The following TTC7B variants were observed in gnomAD, a reference collection of about 807,000 sequenced individuals.
TTC7B encodes the protein tetratricopeptide repeat protein 7B.
Under a neutral mutation model 106.8 loss-of-function variants are expected in TTC7B, and 28 were observed. That is an observed-to-expected ratio of 0.26 (90% CI 0.19 to 0.36). The LOEUF is 0.36. Ranked by LOEUF, TTC7B falls within the 10% of genes least tolerant of loss-of-function variation. The probability of loss-of-function intolerance (pLI) is 1.00; values close to 1 mark genes in which losing one functional copy is unlikely to be tolerated. For missense variants in TTC7B, 862 were observed against 1,076.4 expected (o/e 0.80, Z 2.79); for synonymous variants, 405 against 430.6 (o/e 0.94, Z 0.74).
chr14:90,541,681 C>T (rs116955172), intron 19 of TTC7B, 92 bp from the exon 20 acceptor site: 12,677 of 1,038,646 alleles, frequency 0.012, 99 homozygotes, highest in Non-Finnish European at 0.015. Context: ...GTCAGTTCCT[C>T]GGAGCCGGGA....
chr14:90,703,687 A>G (rs1365388342), intron 5 of TTC7B, among the ~76,000 whole-genome samples: 1 of 152,254 alleles, frequency 6.6e-6, no homozygotes, highest in Non-Finnish European at 1.5e-5. Flanking sequence ...GTGGGACGAC[A>G]GGCGTCGCAA....
At chr14:90,713,703 T>C (rs1025064887) in intron 5 of TTC7B, among the ~76,000 whole-genome samples, 2 of 152,152 alleles carry the variant, frequency 1.3e-5, no homozygotes, top group African/African-American at 4.8e-5. Flanking sequence ...CCAAGGGAAG[T>C]GAAAACACAT....
At chr14:90,601,621 CT>C (rs936952925) in intron 17 of TTC7B, among the ~76,000 whole-genome samples, 23 of 152,126 alleles carry the variant, frequency 1.5e-4, no homozygotes, top group African/African-American at 5.3e-4. Context: ...ACAGATTTTT[CT>C]CCAAAAAAAC....
At chr14:90,718,884 G>T (rs1161199887) in intron 5 of TTC7B, among the ~76,000 whole-genome samples, 1 of 151,430 alleles carries the variant, frequency 6.6e-6, no homozygotes, top group Non-Finnish European at 1.5e-5. Context: ...TCTACTGATG[G>T]GAGACAACTG....
rs1197770263 is a variant in TTC7B, at chr14:90,524,625, C to T, written c.*16743G>A. On this transcript the variant is annotated 3_prime_UTR_variant, in exon 20 of 20. Coordinates refer to ENST00000328459, the MANE Select transcript of TTC7B (RefSeq NM_001010854.2). ...AAAGGGACCTCCCCACTCTTCTCCC[C>T]ACAGCCACCGCCTGCCCAAAACAGG... 6.6e-6 allele frequency: 1 copy of T among 152,288 alleles called. No homozygotes were observed. 9.4% of individuals were successfully genotyped at this position (152,288 alleles called of 1,614,324 possible). A position where few individuals can be genotyped will look rare whatever the true frequency, so the allele number is the denominator to read the frequency against.
At chr14:90,653,358 G>C (rs565062789) in intron 12 of TTC7B, among the ~76,000 whole-genome samples, 24 of 152,270 alleles carry the variant, frequency 1.6e-4, no homozygotes, top group African/African-American at 5.8e-4. Flanking sequence ...TGCAGTCCTG[G>C]GCCACCGACA....
At chr14:90,650,023 A>G (rs977575642) in intron 13 of TTC7B, among the ~76,000 whole-genome samples, 12 of 152,102 alleles carry the variant, frequency 7.9e-5, no homozygotes, top group African/African-American at 2.9e-4. Flanking sequence ...GGCTTCCCAG[A>G]TCACCTGGCT....
intron 19 of TTC7B, among the ~76,000 whole-genome samples, chr14:90,573,445 C>CTCTCT (rs1566777202): frequency 9.0e-6 from 1 of 111,110 alleles, no homozygotes; most frequent in Non-Finnish European, 2.0e-5. Context: ...CGGTCCCTCT[C>CTCTCT]AGCTCACGGT....
intron 7 of TTC7B, among the ~76,000 whole-genome samples, chr14:90,686,556 T>C (rs916888444): frequency 6.6e-6 from 1 of 152,208 alleles, no homozygotes; most frequent in Non-Finnish European, 1.5e-5. Flanking sequence ...TATTAATAGA[T>C]GACACAATCT....
chr14:90,581,303 G>A (rs1449682490), intron 18 of TTC7B, among the ~76,000 whole-genome samples: 4 of 152,134 alleles, frequency 2.6e-5, no homozygotes, highest in Non-Finnish European at 1.5e-5. Context: ...GGTAACTCCT[G>A]AACTTCTATA....
intron 17 of TTC7B, among the ~76,000 whole-genome samples, chr14:90,596,001 G>T (rs958473859): frequency 9.2e-5 from 14 of 152,130 alleles, no homozygotes; most frequent in Non-Finnish European, 4.4e-5. Context: ...TAGAACAGGG[G>T]TTCTTAGACT....
chr14:90,695,173 T>TATGTATATTTTATATACATTTATAAAAC (rs1566840844), intron 6 of TTC7B, among the ~76,000 whole-genome samples: 36 of 103,480 alleles, frequency 3.5e-4, no homozygotes, highest in South Asian at 1.7e-3. Context: ...ACATATAAAA[T>TATGTATATTTTATATACATTTATAAAAC]ATGTATATTT....
At chr14:90,792,351 T>A (rs111463144) in intron 1 of TTC7B, among the ~76,000 whole-genome samples, 2 of 151,808 alleles carry the variant, frequency 1.3e-5, no homozygotes, top group Non-Finnish European at 2.9e-5. Context: ...CCGAGGCAGG[T>A]GGATCGCTTG....
In TTC7B at chr14:90,550,550, A is replaced by G. The variant is rs191234482; in HGVS notation, c.2311-8961T>C. 3.8e-3 allele frequency among the ~76,000 whole-genome samples: 579 copies of G among 152,328 alleles called. 4 individuals carry two copies. Among genetic ancestry groups the G allele is most frequent in the African/African-American group, 0.013 (550 of 41,568 alleles). ...CTGCCTGAGGCTACATTTCCCAGCC[A>G]GTCAAGATGGCCACCCTGAAGGCTG... is the stretch of plus-strand genomic sequence containing the variant. On this transcript the variant is annotated intron_variant, in intron 19 of 19. Transcript: ENST00000328459.
At chr14:90,613,655 C>T (rs1363330377) in intron 16 of TTC7B, among the ~76,000 whole-genome samples, 1 of 152,202 alleles carries the variant, frequency 6.6e-6, no homozygotes, top group Non-Finnish European at 1.5e-5. Flanking sequence ...TGCTCAGGCA[C>T]TTCTGTGAAC....
intron 3 of TTC7B, among the ~76,000 whole-genome samples, chr14:90,751,610 T>C (rs887196008): frequency 6.6e-6 from 1 of 152,050 alleles, no homozygotes; most frequent in East Asian, 1.9e-4. Context: ...TTTTATTTTT[T>C]GTAGAGACAG....
chr14:90,713,138 C>T (rs952738938), intron 5 of TTC7B, among the ~76,000 whole-genome samples: 2 of 151,740 alleles, frequency 1.3e-5, no homozygotes, highest in African/African-American at 4.8e-5. Flanking sequence ...TTTTTTGAGA[C>T]GGAGACTCAT....
intron 5 of TTC7B, among the ~76,000 whole-genome samples, chr14:90,720,676 A>C (rs1215100164): frequency 6.6e-6 from 1 of 152,212 alleles, no homozygotes; most frequent in Non-Finnish European, 1.5e-5. Context: ...GTCAAGAGGT[A>C]CCAGGAGATG....
intron 5 of TTC7B, chr14:90,699,209 T>C: frequency 2.2e-6 from 1 of 456,012 alleles, no homozygotes; most frequent in Non-Finnish European, 4.4e-6. Flanking sequence ...CTCTTTAATA[T>C]TGCCATCTGT....
Sources: gnomAD v4.1 joint callset for allele counts (sites outside exome capture counted in the v4.1 genomes callset) on GRCh38, gnomAD v4.1.1 for gene constraint, MANE v1.5 for transcripts, NCBI Gene and HGNC (gene_info 2026-07-23, HGNC 2026-07-21) for gene names.